Variants in ZNF385D observed in about 807,000 individuals in gnomAD.
The protein encoded by ZNF385D is zinc finger protein 385D.
ZNF385D carries 15 observed loss-of-function variants against 35.8 expected under a neutral mutation model. That is an observed-to-expected ratio of 0.42 (90% CI 0.28 to 0.64). The LOEUF (loss-of-function observed/expected upper bound fraction) is 0.64. ZNF385D is among the 30% of genes least tolerant of loss of function. ZNF385D has a pLI of 0.23. For synonymous variants in ZNF385D, 212 were observed against 186.8 expected (o/e 1.13, Z -1.10); for missense variants, 474 against 494.6 (o/e 0.96, Z 0.39).
chr3:21,521,886 A>C (rs1707931014), intron 3 of ZNF385D, among the ~76,000 whole-genome samples: 1 of 152,222 alleles, frequency 6.6e-6, no homozygotes, highest in South Asian at 2.1e-4. Context: ...AATACATAGA[A>C]AATTAGGAGA....
At chr3:22,088,457 G>A (rs1701157877) in intron 3 of ZNF385D, among the ~76,000 whole-genome samples, 1 of 152,122 alleles carries the variant, frequency 6.6e-6, no homozygotes, top group South Asian at 2.1e-4. Context: ...ACCATTCAAC[G>A]TGGTGTGAGA....
chr3:21,810,613 A>G (rs1221939291), intron 3 of ZNF385D, among the ~76,000 whole-genome samples: 1 of 152,134 alleles, frequency 6.6e-6, no homozygotes, highest in Non-Finnish European at 1.5e-5. Context: ...AAAATTAGTT[A>G]CTTTTAGAGA....
chr3:21,809,880 A>G (rs1575690369), intron 3 of ZNF385D, among the ~76,000 whole-genome samples: 1 of 152,178 alleles, frequency 6.6e-6, no homozygotes, highest in Non-Finnish European at 1.5e-5. Context: ...TAACTAAAAA[A>G]GAAATTAAAT....
chr3:22,137,329 G>T (rs1258246638), intron 3 of ZNF385D, among the ~76,000 whole-genome samples: 2 of 152,094 alleles, frequency 1.3e-5, no homozygotes, highest in Non-Finnish European at 2.9e-5. Context: ...TACGAGGCCA[G>T]CATCATCCTG....
At position 21,646,572 on chromosome 3, in the gene ZNF385D, C is replaced by T. The variant is rs966336313; in HGVS notation, c.165+18314G>A. On this transcript the variant is annotated intron_variant, in intron 2 of 7. Coordinates refer to ENST00000281523, the MANE Select transcript of ZNF385D (RefSeq NM_024697.3). This position sits in a 1 kb window ranked among gnomAD's most constrained non-coding sequence, Gnocchi z 4.3. ...CTGAGTGTCTATTGTGTATTGACCACCTAACAAATAGTGAATTTTGGAAAT... is the reference window on the plus strand; with the variant it reads ...CTGAGTGTCTATTGTGTATTGACCATCTAACAAATAGTGAATTTTGGAAAT... Among the ~76,000 whole-genome samples, 14 of 152,120 alleles carry T rather than the reference C, an allele frequency of 9.2e-5. No individual in the cohort carries two copies. Among genetic ancestry groups the T allele is most frequent in the Non-Finnish European group, 1.6e-4 (11 of 68,020 alleles).
At chr3:22,367,000 C>T (rs1427751874) in intron 2 of ZNF385D, among the ~76,000 whole-genome samples, 2 of 152,132 alleles carry the variant, frequency 1.3e-5, no homozygotes, top group East Asian at 3.9e-4. Flanking sequence ...CAACATCTGG[C>T]TTTTGGCCAG....
At chr3:22,205,498 G>C (rs549874887) in intron 2 of ZNF385D, among the ~76,000 whole-genome samples, 3 of 152,088 alleles carry the variant, frequency 2.0e-5, no homozygotes, top group African/African-American at 7.2e-5. Flanking sequence ...TGCAATTGTG[G>C]CATGTAAACT....
rs139340444 is a variant in ZNF385D, at chr3:21,829,594, C to T, written c.326-164566G>A. ...GGAAGATATGATACGATTTAGCCTT[C>T]GAGAAGATGACTTTTCTTGTTAAAA... is the stretch of plus-strand genomic sequence containing the variant. On this transcript the variant is annotated intron_variant, in intron 3 of 5. Transcript: ENST00000494108. Among the ~76,000 whole-genome samples, 29 of 151,410 alleles carry T rather than the reference C, an allele frequency of 1.9e-4. No homozygotes were observed. The East Asian group carries it at 3.6e-3, about 19-fold the overall frequency.
At chr3:21,440,293 C>T (rs1372630461) in intron 4 of ZNF385D, among the ~76,000 whole-genome samples, 1 of 151,984 alleles carries the variant, frequency 6.6e-6, no homozygotes, top group African/African-American at 2.4e-5. Context: ...CAGCATATAC[C>T]CTTGACATGA....
intron 2 of ZNF385D, among the ~76,000 whole-genome samples, chr3:22,288,218 AGAGT>A (rs1439962577): frequency 8.5e-5 from 13 of 152,096 alleles, no homozygotes; most frequent in Non-Finnish European, 1.5e-4. Flanking sequence ...AATGTGCCTC[AGAGT>A]GAGTATCTTT....
At chr3:22,206,356 G>A (rs1697153773) in intron 2 of ZNF385D, among the ~76,000 whole-genome samples, 1 of 151,962 alleles carries the variant, frequency 6.6e-6, no homozygotes, top group African/African-American at 2.4e-5. Context: ...CCCACTGTCT[G>A]CATTGGACAG....
chr3:21,451,362 C>T (rs1284996372), intron 4 of ZNF385D, among the ~76,000 whole-genome samples: 1 of 152,080 alleles, frequency 6.6e-6, no homozygotes, highest in Non-Finnish European at 1.5e-5. Flanking sequence ...AAGTAGTCTA[C>T]TGTGTATGTT....
chr3:21,576,858 A>C (rs977803985), intron 2 of ZNF385D, among the ~76,000 whole-genome samples: 1 of 152,226 alleles, frequency 6.6e-6, no homozygotes, highest in Admixed American at 6.5e-5. Flanking sequence ...TTTTCTATAC[A>C]ATAGAACATT....
intron 2 of ZNF385D, among the ~76,000 whole-genome samples, chr3:22,349,553 T>C (rs1695821024): frequency 6.6e-6 from 1 of 152,294 alleles, no homozygotes; most frequent in African/African-American, 2.4e-5. Context: ...GATAATGCAA[T>C]TGAACATACT....
intron 5 of ZNF385D, among the ~76,000 whole-genome samples, chr3:21,426,186 T>C (rs1167212312): frequency 6.6e-6 from 1 of 152,172 alleles, no homozygotes; most frequent in East Asian, 1.9e-4. Context: ...AAACAAGCTT[T>C]CGTGGCTATG....
chr3:22,198,065 A>AT (rs1486256455), intron 2 of ZNF385D, among the ~76,000 whole-genome samples: 4 of 152,050 alleles, frequency 2.6e-5, no homozygotes, highest in African/African-American at 9.7e-5. Context: ...CTCATATACA[A>AT]TTTTTAAAGG....
chr3:21,732,667 C>T lies in ZNF385D; in HGVS notation c.22+18228G>A, dbSNP rs559349274. Among the ~76,000 whole-genome samples, 19 of 152,222 alleles carry T rather than the reference C, an allele frequency of 1.2e-4. No individual in the cohort carries two copies. In the South Asian group the frequency reaches 3.7e-3, roughly 30 times the overall value. ...TGATGTGGAACACCTTTTCATATGC[C>T]TATTTTCTATCTGTATATCTTCTTT... On this transcript the variant is annotated intron_variant, in intron 1 of 7. Transcript: ENST00000281523.
chr3:21,887,379 A>C (rs1698604401), intron 3 of ZNF385D, among the ~76,000 whole-genome samples: 1 of 152,184 alleles, frequency 6.6e-6, no homozygotes, highest in Non-Finnish European at 1.5e-5. Flanking sequence ...AATTTATGAA[A>C]TGAAGGGAGA....
intron 2 of ZNF385D, among the ~76,000 whole-genome samples, chr3:22,330,923 A>T (rs920715674): frequency 2.0e-5 from 3 of 152,178 alleles, no homozygotes; most frequent in South Asian, 4.1e-4. Flanking sequence ...CATCAGCCCA[A>T]CTTTTGACTT....
Sources: allele counts gnomAD v4.1 joint callset (sites outside exome capture counted in the v4.1 genomes callset), GRCh38; gene constraint gnomAD v4.1.1; non-coding constraint Gnocchi (gnomAD v3.1); transcripts MANE v1.5; gene names NCBI Gene and HGNC (gene_info 2026-07-23, HGNC 2026-07-21).